Variants in RBFOX1 observed in about 807,000 individuals in gnomAD.
The protein encoded by RBFOX1 is RNA binding protein fox-1 homolog 1.
Under a neutral mutation model 57.7 loss-of-function variants are expected in RBFOX1, and 8 were observed. The ratio of observed to expected loss-of-function variants is 0.14; its 90% CI spans 0.08 to 0.25. The LOEUF is 0.25. RBFOX1 is among the 10% of genes least tolerant of loss of function. The pLI, the probability that RBFOX1 is intolerant of heterozygous loss-of-function variation, is 1.00. For missense variants in RBFOX1, 611 were observed against 548.5 expected (o/e 1.11, Z -1.14); for synonymous variants, 326 against 222.4 (o/e 1.47, Z -4.15).
chr16:7,589,932 TGTG>T (rs879448533), intron 7 of RBFOX1, among the ~76,000 whole-genome samples: 2,646 of 150,256 alleles, frequency 0.018, 40 homozygotes, highest in South Asian at 0.078. Flanking sequence ...TGTGTGTGTG[TGTG>T]TGTGTGTGTG....
intron 3 of RBFOX1, among the ~76,000 whole-genome samples, chr16:6,839,857 A>G (rs182748008): frequency 6.6e-6 from 1 of 152,312 alleles, no homozygotes; most frequent in Non-Finnish European, 1.5e-5. Flanking sequence ...CTTACGTGAT[A>G]TTTGGGGTAT....
chr16:5,376,680 T>C (rs1313577099), intron 1 of RBFOX1, among the ~76,000 whole-genome samples: 1 of 147,164 alleles, frequency 6.8e-6, no homozygotes, highest in East Asian at 1.9e-4. Flanking sequence ...GCGGGTACCA[T>C]TGGTTCTTGT....
intron 5 of RBFOX1, among the ~76,000 whole-genome samples, chr16:7,561,523 A>C (rs532231375): frequency 7.9e-5 from 12 of 152,240 alleles, no homozygotes; most frequent in Non-Finnish European, 1.3e-4. Context: ...CAATTTGCAG[A>C]AATTGTGCAG....
At chr16:5,634,271 A>G (rs1199855365) in intron 3 of RBFOX1, among the ~76,000 whole-genome samples, 2 of 152,226 alleles carry the variant, frequency 1.3e-5, no homozygotes, top group African/African-American at 4.8e-5. Context: ...CAGCAACGGT[A>G]GTGCAATCAT....
intron 4 of RBFOX1, among the ~76,000 whole-genome samples, chr16:7,418,465 T>G (rs1410475313): frequency 6.6e-6 from 1 of 152,204 alleles, no homozygotes; most frequent in Non-Finnish European, 1.5e-5. Context: ...GCCAGGCATC[T>G]GAGATGGAGA....
At chr16:7,641,990 T>C (rs772655073) in intron 11 of RBFOX1, among the ~76,000 whole-genome samples, 43 of 152,242 alleles carry the variant, frequency 2.8e-4, no homozygotes, top group South Asian at 2.5e-3. Context: ...TGGTGTACTT[T>C]TATAGTCCTA....
chr16:7,708,422 C>A (rs2083202689), intron 14 of RBFOX1, among the ~76,000 whole-genome samples: 1 of 152,134 alleles, frequency 6.6e-6, no homozygotes, highest in South Asian at 2.1e-4. Context: ...AAATGCCTCC[C>A]CCTTCCCAGA....
chr16:6,924,342 T>A (rs890589431), intron 3 of RBFOX1, among the ~76,000 whole-genome samples: 1 of 151,984 alleles, frequency 6.6e-6, no homozygotes, highest in Non-Finnish European at 1.5e-5. Context: ...GGAGGCATGT[T>A]GGGCAGGGAA....
intron 3 of RBFOX1, among the ~76,000 whole-genome samples, chr16:7,017,914 A>C (rs1471443353): frequency 1.3e-5 from 2 of 152,194 alleles, no homozygotes; most frequent in African/African-American, 4.8e-5. Context: ...GACATTTACC[A>C]AAATGCTATA....
intron 2 of RBFOX1, among the ~76,000 whole-genome samples, chr16:5,534,533 T>A (rs190231038): frequency 9.9e-5 from 15 of 152,234 alleles, no homozygotes; most frequent in Admixed American, 7.2e-4. Flanking sequence ...ACCTGGAGTA[T>A]CTGATGTGGA....
intron 4 of RBFOX1, among the ~76,000 whole-genome samples, chr16:7,479,117 T>TG (rs1384712164): frequency 2.7e-5 from 4 of 146,022 alleles, no homozygotes; most frequent in East Asian, 4.0e-4. Context: ...CCAGTTTTGT[T>TG]TTTTTTTTTT....
intron 3 of RBFOX1, among the ~76,000 whole-genome samples, chr16:6,849,908 A>G (rs1469326262): frequency 1.3e-5 from 2 of 152,126 alleles, no homozygotes; most frequent in Non-Finnish European, 1.5e-5. Flanking sequence ...GTGTGTGTAT[A>G]TCTCCCAGTT....
chr16:6,385,090 C>G (rs2092152330), intron 2 of RBFOX1, among the ~76,000 whole-genome samples: 1 of 152,308 alleles, frequency 6.6e-6, no homozygotes, highest in African/African-American at 2.4e-5. Context: ...CTCTCAGACT[C>G]TCATTCACTC....
intron 2 of RBFOX1, among the ~76,000 whole-genome samples, chr16:5,582,179 C>T (rs1466686141): frequency 2.6e-5 from 4 of 152,186 alleles, no homozygotes; most frequent in African/African-American, 9.7e-5. Flanking sequence ...AGTACCAGAC[C>T]TCACTCCCAT....
At chr16:5,356,818 G>C (rs1567380034) in intron 1 of RBFOX1, among the ~76,000 whole-genome samples, 2 of 152,162 alleles carry the variant, frequency 1.3e-5, no homozygotes, top group Non-Finnish European at 2.9e-5. Context: ...CATCGTTGTT[G>C]TCATTGTCCT....
intron 1 of RBFOX1, among the ~76,000 whole-genome samples, chr16:6,088,782 C>T (rs2096126146): frequency 6.6e-6 from 1 of 152,086 alleles, no homozygotes; most frequent in African/African-American, 2.4e-5. Context: ...GAAGGGGTTT[C>T]ATTCTTCAGA....
At chr16:6,948,534 C>G (rs947175415) in intron 3 of RBFOX1, among the ~76,000 whole-genome samples, 1 of 151,736 alleles carries the variant, frequency 6.6e-6, no homozygotes, top group Non-Finnish European at 1.5e-5. Context: ...AGGCGCCCAC[C>G]ACCATGCCCA....
chr16:7,487,595 A>T lies in RBFOX1; in HGVS notation c.28-30552A>T, dbSNP rs183208418. Among the ~76,000 whole-genome samples, 973 of 152,314 alleles carry T rather than the reference A, an allele frequency of 6.4e-3. 6 individuals carry two copies. Among genetic ancestry groups the T allele is most frequent in the Non-Finnish European group, 0.011 (746 of 68,032 alleles). Reference sequence around the variant, plus strand: ...CTGCCATCTCTCTTCCCATGCATGAAGATAAGCAGTAGACTATCCACTCCT... The same window carrying T: ...CTGCCATCTCTCTTCCCATGCATGATGATAAGCAGTAGACTATCCACTCCT... On this transcript the variant is annotated intron_variant, in intron 4 of 15. Transcript: ENST00000550418.
chr16:6,020,461 C>T (rs988328790), intron 1 of RBFOX1, among the ~76,000 whole-genome samples: 1 of 152,118 alleles, frequency 6.6e-6, no homozygotes, highest in Non-Finnish European at 1.5e-5. Flanking sequence ...CCCCGAACCC[C>T]TTGTGGGAGG....
Sources: gnomAD v4.1 joint callset for allele counts (sites outside exome capture counted in the v4.1 genomes callset) on GRCh38, gnomAD v4.1.1 for gene constraint, MANE v1.5 for transcripts, NCBI Gene and HGNC (gene_info 2026-07-23, HGNC 2026-07-21) for gene names.